HTR1E: variants seen among roughly 807,000 people sequenced by gnomAD.
HTR1E encodes the protein 5-hydroxytryptamine receptor 1E.
HTR1E carries 3 observed loss-of-function variants against 3.4 expected under a neutral mutation model. That is an observed-to-expected ratio of 0.89 (90% CI 0.41 to 2.31). The LOEUF (loss-of-function observed/expected upper bound fraction) is 2.31. Ranked by LOEUF, HTR1E falls within the 30% of genes most tolerant of loss-of-function variation. The probability of loss-of-function intolerance (pLI) is 0.05; values close to 1 mark genes in which losing one functional copy is unlikely to be tolerated. For synonymous variants in HTR1E, 170 were observed against 182.8 expected, an observed-to-expected ratio of 0.93 and a Z score of 0.56; for missense variants, 392 against 467.0, an observed-to-expected ratio of 0.84 and a Z score of 1.48.
chr6:86,941,016 G>C (rs146633455), intron 1 of HTR1E, among the ~76,000 whole-genome samples: 1 of 152,190 alleles, frequency 6.6e-6, no homozygotes, highest in African/African-American at 2.4e-5. Flanking sequence ...CACAAGTGAC[G>C]AGGGGACAGA....
At chr6:86,942,601 G>A (rs1768561637) in intron 1 of HTR1E, among the ~76,000 whole-genome samples, 1 of 152,060 alleles carries the variant, frequency 6.6e-6, no homozygotes, top group Non-Finnish European at 1.5e-5. Context: ...CTTACACAAT[G>A]CTCTAAAAAA....
In HTR1E at chr6:86,945,717, T is replaced by A. The variant is rs188814471; in HGVS notation, c.-186+7894T>A. On this transcript the variant is annotated intron_variant, in intron 1 of 1. Transcript: ENST00000305344. Reference sequence around the variant, plus strand: ...TTTTTAATTTAAAAGTTTGGGGGTTTTTTGTTTTGTTTTTGTTTTTGTTTT... The same window carrying A: ...TTTTTAATTTAAAAGTTTGGGGGTTATTTGTTTTGTTTTTGTTTTTGTTTT... Among the ~76,000 whole-genome samples, 220 of 152,062 alleles carry A rather than the reference T, an allele frequency of 1.4e-3. 3 individuals carry two copies. Among genetic ancestry groups the A allele is most frequent in the Non-Finnish European group, 1.5e-3 (103 of 67,972 alleles).
At chr6:86,984,372 T>C (rs767705549) in intron 1 of HTR1E, among the ~76,000 whole-genome samples, 4 of 152,216 alleles carry the variant, frequency 2.6e-5, no homozygotes, top group Non-Finnish European at 5.9e-5. Context: ...ATTCTTTCAA[T>C]TGACCTCTCT....
At chr6:86,992,732 C>A (rs113837070) in intron 1 of HTR1E, among the ~76,000 whole-genome samples, 2,730 of 152,224 alleles carry the variant, frequency 0.018, 85 homozygotes, top group African/African-American at 0.061. Flanking sequence ...CCATTTAATT[C>A]TCTCTATAAA....
At chr6:87,012,562 GA>G (rs1562075349) in intron 1 of HTR1E, among the ~76,000 whole-genome samples, 1 of 151,554 alleles carries the variant, frequency 6.6e-6, no homozygotes, top group Non-Finnish European at 1.5e-5. Flanking sequence ...AAGTTGGAAA[GA>G]AAAAAAAGAA....
chr6:86,941,685 T>C (rs538384241), intron 1 of HTR1E, among the ~76,000 whole-genome samples: 7 of 152,182 alleles, frequency 4.6e-5, no homozygotes, highest in Non-Finnish European at 7.3e-5. Context: ...GCAGACCAGA[T>C]GGAAGGTCTT....
chr6:86,955,379 G>T (rs759978780), intron 1 of HTR1E, among the ~76,000 whole-genome samples: 1 of 152,320 alleles, frequency 6.6e-6, no homozygotes, highest in Non-Finnish European at 1.5e-5. Flanking sequence ...TGTACATGTA[G>T]AGAAATGGAA....
intron 1 of HTR1E, among the ~76,000 whole-genome samples, chr6:86,987,895 C>A (rs1767813210): frequency 6.6e-6 from 1 of 152,058 alleles, no homozygotes; most frequent in Non-Finnish European, 1.5e-5. Flanking sequence ...GCCTTCACGG[C>A]CCTATCACCT....
intron 1 of HTR1E, among the ~76,000 whole-genome samples, chr6:86,940,250 T>C (rs959146050): frequency 4.0e-4 from 60 of 151,812 alleles, no homozygotes; most frequent in African/African-American, 1.3e-3. Flanking sequence ...GAAAAGTAGA[T>C]CTCAGCCAGG....
intron 1 of HTR1E, among the ~76,000 whole-genome samples, chr6:86,975,774 C>T (rs1767626598): frequency 6.6e-6 from 1 of 152,126 alleles, no homozygotes; most frequent in East Asian, 1.9e-4. Context: ...ACGTGAAACA[C>T]ACTCATGGAA....
chr6:87,001,439 C>A (rs796670826), intron 1 of HTR1E, among the ~76,000 whole-genome samples: 15 of 152,208 alleles, frequency 9.9e-5, no homozygotes, highest in African/African-American at 3.6e-4. Flanking sequence ...ACTGAAACAC[C>A]AGGGCTTCTG....
chr6:86,939,213 C>T (rs1157633362), intron 1 of HTR1E, among the ~76,000 whole-genome samples: 1 of 152,224 alleles, frequency 6.6e-6, no homozygotes, highest in Non-Finnish European at 1.5e-5. Flanking sequence ...TTTTTCCTCC[C>T]TTCAGAGCTT....
intron 1 of HTR1E, among the ~76,000 whole-genome samples, chr6:87,007,745 G>A (rs889941847): frequency 8.5e-5 from 13 of 152,082 alleles, no homozygotes; most frequent in African/African-American, 2.9e-4. Context: ...AACCAGCCTG[G>A]GCAACACGGT....
chr6:87,007,340 G>A (rs182119812), intron 1 of HTR1E, among the ~76,000 whole-genome samples: 1 of 152,146 alleles, frequency 6.6e-6, no homozygotes, highest in Admixed American at 6.5e-5. Flanking sequence ...GTAGTTGCAG[G>A]GGGTGGAGAG....
At chr6:86,958,887 A>G (rs1027855053) in intron 1 of HTR1E, among the ~76,000 whole-genome samples, 13 of 152,046 alleles carry the variant, frequency 8.6e-5, no homozygotes, top group Non-Finnish European at 1.8e-4. Context: ...CCCACACAGC[A>G]TAAGACAATG....
intron 1 of HTR1E, among the ~76,000 whole-genome samples, chr6:86,975,837 T>C (rs1050601350): frequency 6.6e-6 from 1 of 150,490 alleles, no homozygotes; most frequent in Non-Finnish European, 1.5e-5. Context: ...GTCATCAATA[T>C]AATCATTGTT....
intron 1 of HTR1E, among the ~76,000 whole-genome samples, chr6:86,963,893 T>G (rs1476783295): frequency 6.6e-6 from 1 of 152,192 alleles, no homozygotes; most frequent in Non-Finnish European, 1.5e-5. Flanking sequence ...TGCAGGACTA[T>G]ACTTATTAAG....
At position 86,966,036 on chromosome 6, in the gene HTR1E, C is replaced by A. The variant is rs573441424; in HGVS notation, c.-186+28213C>A. Reference sequence around the variant, plus strand: ...AGAAATAGGAATTCTCTAACACCCACAAAAAAAAATAGATGGTCTTCCCCT... The same window carrying A: ...AGAAATAGGAATTCTCTAACACCCAAAAAAAAAAATAGATGGTCTTCCCCT... On this transcript the variant is annotated intron_variant, in intron 1 of 1. Transcript: ENST00000305344. Among the ~76,000 whole-genome samples, 226 of 149,932 alleles carry A rather than the reference C, an allele frequency of 1.5e-3. 1 individual carries two copies. Among genetic ancestry groups the A allele is most frequent in the Non-Finnish European group, 2.5e-3 (170 of 67,364 alleles).
chr6:87,016,331 G>A lies in HTR1E; in HGVS notation c.997G>A (p.Gly333Ser), dbSNP rs980107315. 1.2e-5 allele frequency: 20 copies of A among 1,614,020 alleles called. No homozygotes were observed. Among genetic ancestry groups the A allele is most frequent in the East Asian group, 2.2e-5 (1 of 44,898 alleles). ...SEVADFLTWL[G>S]YVNSLINPLL... ...AGTGGCCGACTTTCTGACGTGGCTC[G>A]GTTATGTGAATTCTCTGATCAACCC... The change falls in exon 2 of 2, where the codon GGT (glycine) becomes AGT (serine). Residue 333 changes from glycine (G) to serine (S), a missense_variant. By Grantham distance (56) the Gly-to-Ser change is moderately conservative. This residue lies in a region of HTR1E where 25 missense variants were observed against 44.1 expected (regional missense o/e 0.57). Coordinates refer to ENST00000305344, the MANE Select transcript of HTR1E (RefSeq NM_000865.3).
Sources: allele counts gnomAD v4.1 joint callset (sites outside exome capture counted in the v4.1 genomes callset), GRCh38; gene constraint gnomAD v4.1.1; regional missense constraint gnomAD v4.1.1; transcripts MANE v1.5; gene names NCBI Gene and HGNC (gene_info 2026-07-23, HGNC 2026-07-21).